The following TMCC1 variants were observed in gnomAD, a reference collection of about 807,000 sequenced individuals.
The protein encoded by TMCC1 is transmembrane and coiled-coil domains protein 1.
A neutral mutation model predicts 52.4 loss-of-function variants in TMCC1; 15 were observed. The ratio of observed to expected loss-of-function variants is 0.29; its 90% CI spans 0.19 to 0.44. TMCC1 has a LOEUF of 0.44. TMCC1 is among the 20% of genes least tolerant of loss of function. The pLI, the probability that TMCC1 is intolerant of heterozygous loss-of-function variation, is 1.00. For synonymous variants in TMCC1, 279 were observed against 301.9 expected, an observed-to-expected ratio of 0.92 and a Z score of 0.79; for missense variants, 503 against 806.0, an observed-to-expected ratio of 0.62 and a Z score of 4.55.
chr3:129,794,477 T>A lies in TMCC1; in HGVS notation c.576+33326A>T, dbSNP rs117961992. On this transcript the variant is annotated intron_variant, in intron 4 of 6. Coordinates refer to ENST00000393238, the MANE Select transcript of TMCC1 (RefSeq NM_001017395.5). ...AGACTGCCAGAGAAGTGCAAAGAATTTCCCTGGGAGTCTTAGCAAACTTGG... is the reference window on the plus strand; with the variant it reads ...AGACTGCCAGAGAAGTGCAAAGAATATCCCTGGGAGTCTTAGCAAACTTGG... 2.6e-4 allele frequency: 114 copies of A among 434,516 alleles called. No individual in the cohort carries two copies. The East Asian group carries it at 4.9e-3, about 19-fold the overall frequency. The allele number at this position is 434,516 out of a possible 1,614,324, so 26.9% of individuals were successfully genotyped here. A position where few individuals can be genotyped will look rare whatever the true frequency, so the allele number is the denominator to read the frequency against.
At chr3:129,860,403 C>T (rs1329309400) in intron 2 of TMCC1, among the ~76,000 whole-genome samples, 2 of 151,730 alleles carry the variant, frequency 1.3e-5, no homozygotes, top group African/African-American at 4.8e-5. Flanking sequence ...TATATTATGA[C>T]GTGTACGGGG....
Position 129,692,326 on chromosome 3 carries a change from A to G in TMCC1, c.577-21062T>C, listed in dbSNP as rs576244589. On this transcript the variant is annotated intron_variant, in intron 4 of 6. Transcript: ENST00000393238. The stretch of plus-strand genomic sequence containing the variant: ...CAATAGCAATTATGTGTCAGCTTAA[A>G]TATCTCCAGGATCTTATGGTAATTT... Among the ~76,000 whole-genome samples, 20 of 152,356 alleles carry G rather than the reference A, an allele frequency of 1.3e-4. No homozygotes were observed. In the South Asian group the frequency reaches 3.9e-3, roughly 30 times the overall value.
chr3:129,785,947 T>TTC (rs2055996073), intron 4 of TMCC1, among the ~76,000 whole-genome samples: 1 of 151,022 alleles, frequency 6.6e-6, no homozygotes, highest in African/African-American at 2.4e-5. Flanking sequence ...TTTTTTTTTT[T>TTC]TTTTTAAGAC....
At chr3:129,798,629 G>A (rs569382609) in intron 4 of TMCC1, among the ~76,000 whole-genome samples, 1 of 148,954 alleles carries the variant, frequency 6.7e-6, no homozygotes, top group South Asian at 2.1e-4. Flanking sequence ...TCAGCCTAAA[G>A]AAGTGCTCAG....
Position 129,671,223 on chromosome 3 carries a change from A to G in TMCC1, c.618T>C (p.Ser206=), listed in dbSNP as rs746135593. Residue 206 remains serine, a synonymous_variant, in exon 5 of 7, where the codon AGT becomes AGC. Coordinates refer to ENST00000393238, the MANE Select transcript of TMCC1 (RefSeq NM_001017395.5). ...LEVSSLAQTS[S]AVASSTDGSI... The stretch of plus-strand genomic sequence containing the variant: ...TGCCATCGGTACTGGAGGCCACTGC[A>G]CTGGATGTTTGGGCAAGGCTGCTTA... 9.9e-6 allele frequency: 16 copies of G among 1,613,742 alleles called. No individual in the cohort carries two copies. The South Asian group carries it at 1.8e-4, about 18-fold the overall frequency.
intron 2 of TMCC1, chr3:129,857,335 TC>T (rs2060186723): frequency 6.6e-6 from 1 of 152,150 alleles, no homozygotes; most frequent in Non-Finnish European, 1.5e-5. Context: ...GGACAAGACA[TC>T]CACCTTAACT....
chr3:129,777,015 G>T (rs1035139621), intron 4 of TMCC1, among the ~76,000 whole-genome samples: 2 of 152,062 alleles, frequency 1.3e-5, no homozygotes, highest in African/African-American at 4.8e-5. Flanking sequence ...TTCAACGAAC[G>T]TATTGTTTGC....
chr3:129,881,620 C>T (rs1193830304), intron 1 of TMCC1, among the ~76,000 whole-genome samples: 1 of 152,082 alleles, frequency 6.6e-6, no homozygotes, highest in African/African-American at 2.4e-5. Context: ...ACATACAGAA[C>T]AAGAAATCTG....
At chr3:129,722,271 G>A (rs1376698804) in intron 4 of TMCC1, among the ~76,000 whole-genome samples, 2 of 152,136 alleles carry the variant, frequency 1.3e-5, no homozygotes, top group Non-Finnish European at 2.9e-5. Context: ...TCTCATAGGA[G>A]CACAAACCCT....
chr3:129,690,826 T>C (rs77149882), intron 4 of TMCC1, among the ~76,000 whole-genome samples: 8,561 of 152,316 alleles, frequency 0.056, 334 homozygotes, highest in Middle Eastern at 0.16. Context: ...GTAATGATTT[T>C]ATCTTTTTGA....
intron 6 of TMCC1, among the ~76,000 whole-genome samples, chr3:129,652,682 A>C (rs1184764973): frequency 6.6e-6 from 1 of 152,158 alleles, no homozygotes; most frequent in Non-Finnish European, 1.5e-5. Context: ...CAGACAACAG[A>C]CTCCGTTAAC....
At chr3:129,653,142 T>C (rs2086447297) in intron 6 of TMCC1, among the ~76,000 whole-genome samples, 1 of 152,260 alleles carries the variant, frequency 6.6e-6, no homozygotes, top group Non-Finnish European at 1.5e-5. Context: ...CCTCATTTTT[T>C]TTTAACTGCT....
intron 4 of TMCC1, among the ~76,000 whole-genome samples, chr3:129,747,970 G>C (rs2052132795): frequency 1.3e-5 from 2 of 152,134 alleles, no homozygotes; most frequent in African/African-American, 2.4e-5. Flanking sequence ...TCTATGAAGA[G>C]AACTTGAAGA....
intron 4 of TMCC1, among the ~76,000 whole-genome samples, chr3:129,727,997 A>G (rs1418278513): frequency 1.3e-5 from 2 of 152,242 alleles, no homozygotes; most frequent in South Asian, 2.1e-4. Flanking sequence ...ATAAACAGCT[A>G]GCATGTGAGT....
chr3:129,744,317 A>G (rs2051731603), intron 4 of TMCC1, among the ~76,000 whole-genome samples: 2 of 152,070 alleles, frequency 1.3e-5, no homozygotes, highest in Non-Finnish European at 2.9e-5. Flanking sequence ...TTCCTTTTCT[A>G]GTTTTATTTT....
chr3:129,726,529 C>T lies in TMCC1; in HGVS notation c.577-55265G>A, dbSNP rs527936457. Among the ~76,000 whole-genome samples, 34 of 152,170 alleles carry T rather than the reference C, an allele frequency of 2.2e-4. 1 individual carries two copies. Among genetic ancestry groups the T allele is most frequent in the African/African-American group, 8.0e-4 (33 of 41,508 alleles). ...AGTTTTAAAACAAGAATTATACGGA[C>T]TCTACTTTTTAAAAAGTATACCTCT... On this transcript the variant is annotated intron_variant, in intron 4 of 6. Transcript: ENST00000393238.
At chr3:129,707,792 C>T (rs188406988) in intron 4 of TMCC1, among the ~76,000 whole-genome samples, 62 of 151,912 alleles carry the variant, frequency 4.1e-4, no homozygotes, top group African/African-American at 1.4e-3. Context: ...ATTAGCTGGG[C>T]GTGGTGGCAT....
chr3:129,865,518 A>C (rs570409248), intron 2 of TMCC1, among the ~76,000 whole-genome samples: 1 of 152,302 alleles, frequency 6.6e-6, no homozygotes, highest in African/African-American at 2.4e-5. Context: ...GGCTATCAAA[A>C]TAGCCCAAAG....
At chr3:129,891,714 C>T (rs1453777153) in intron 1 of TMCC1, among the ~76,000 whole-genome samples, 1 of 152,154 alleles carries the variant, frequency 6.6e-6, no homozygotes, top group Non-Finnish European at 1.5e-5. Context: ...AACAATGTAG[C>T]CCAGTACTTA....
Sources: allele counts gnomAD v4.1 joint callset (sites outside exome capture counted in the v4.1 genomes callset), GRCh38; gene constraint gnomAD v4.1.1; transcripts MANE v1.5; gene names NCBI Gene and HGNC (gene_info 2026-07-23, HGNC 2026-07-21).